Variants in NIBAN1 observed in about 807,000 individuals in gnomAD.
NIBAN1 encodes niban apoptosis regulator 1.
NIBAN1 carries 81 observed loss-of-function variants against 75.1 expected under a neutral mutation model. The observed-to-expected ratio is 1.08, with a 90% confidence interval of 0.90 to 1.30. The LOEUF (loss-of-function observed/expected upper bound fraction) is 1.30, where lower values mean the gene tolerates loss of function less well. Ranked by LOEUF, NIBAN1 falls within the 50% of genes most tolerant of loss-of-function variation. The pLI is 0.00. For missense variants in NIBAN1, 1,133 were observed against 1,128.1 expected (o/e 1.00, Z -0.06); for synonymous variants, 436 against 424.8 (o/e 1.03, Z -0.32).
intron 4 of NIBAN1, among the ~76,000 whole-genome samples, chr1:184,887,045 C>A (rs234665): frequency 6.6e-6 from 1 of 152,052 alleles, no homozygotes; most frequent in Non-Finnish European, 1.5e-5. Context: ...CACTTGAACC[C>A]GGGAGGCAGA....
Position 184,941,647 on chromosome 1 carries a change from T to C in NIBAN1, c.55+32655A>G, listed in dbSNP as rs536268946. Reference sequence around the variant, plus strand: ...CCTGGGCTTTAACAAAGCAAGACCCTGTCTCAAAAAAAAAAAAAAAAAAAC... The same window carrying C: ...CCTGGGCTTTAACAAAGCAAGACCCCGTCTCAAAAAAAAAAAAAAAAAAAC... On this transcript the variant is annotated intron_variant, in intron 1 of 13. Coordinates refer to ENST00000367511, the MANE Select transcript of NIBAN1 (RefSeq NM_052966.4). 1.0e-3 allele frequency among the ~76,000 whole-genome samples: 141 copies of C among 139,432 alleles called. 1 individual carries two copies. The highest frequency in any genetic ancestry group is 3.8e-3 in the African/African-American group (136 of 35,768). 91.5% of individuals were successfully genotyped at this position (139,432 alleles called of 152,430 possible). A position where few individuals can be genotyped will look rare whatever the true frequency, so the allele number is the denominator to read the frequency against.
intron 10 of NIBAN1, among the ~76,000 whole-genome samples, chr1:184,806,881 G>T (rs1436194412): frequency 6.7e-6 from 1 of 150,282 alleles, no homozygotes; most frequent in Non-Finnish European, 1.5e-5. Context: ...CGAGTCTCGT[G>T]CTTCAGCCTC....
chr1:184,883,801 T>C (rs900984560), intron 5 of NIBAN1, among the ~76,000 whole-genome samples: 6 of 152,186 alleles, frequency 3.9e-5, no homozygotes, highest in African/African-American at 1.4e-4. Context: ...GTGATTCTTA[T>C]GAGCCCTAAA....
chr1:184,912,847 C>T (rs1039803648), intron 1 of NIBAN1, among the ~76,000 whole-genome samples: 2 of 152,110 alleles, frequency 1.3e-5, no homozygotes, highest in East Asian at 1.9e-4. Context: ...TGGAAAGGTG[C>T]CCCTTCTTCA....
chr1:184,950,250 G>A (rs771590472), intron 1 of NIBAN1, among the ~76,000 whole-genome samples: 4 of 152,226 alleles, frequency 2.6e-5, no homozygotes, highest in East Asian at 3.9e-4. Flanking sequence ...CAAGGAATCT[G>A]AGCCTGTTAG....
At chr1:184,859,073 T>C (rs903885809) in intron 5 of NIBAN1, among the ~76,000 whole-genome samples, 1 of 151,908 alleles carries the variant, frequency 6.6e-6, no homozygotes, top group African/African-American at 2.4e-5. Context: ...AATTCCTCTA[T>C]GGAGGAATTA....
intron 10 of NIBAN1, among the ~76,000 whole-genome samples, chr1:184,807,784 C>T (rs1016715877): frequency 2.8e-4 from 43 of 152,172 alleles, no homozygotes; most frequent in African/African-American, 9.9e-4. Context: ...CAGTATTTCC[C>T]CCAGGTGATT....
chr1:184,795,129 T>C lies in NIBAN1; in HGVS notation c.2635A>G (p.Asn879Asp). Residue 879 changes from asparagine to aspartate, a missense_variant, in exon 14 of 14, where the codon AAT becomes GAT. By Grantham distance (23) the Asn-to-Asp change is conservative (BLOSUM62 1). Transcript: ENST00000367511. ...SSAAQATASV[N>D]AEEIKVARIH... is the part of the protein sequence containing the mutation. ...CGGGCTACCTTGATCTCCTCTGCAT[T>C]CACACTGGCCGTGGCCTGGGCCGCG... 6.2e-7 allele frequency: 1 copy of C among 1,614,168 alleles called. No individual in the cohort carries two copies. Among genetic ancestry groups the C allele is most frequent in the South Asian group, 1.1e-5 (1 of 91,088 alleles).
chr1:184,820,782 G>A (rs754147970), intron 8 of NIBAN1, among the ~76,000 whole-genome samples: 6 of 152,214 alleles, frequency 3.9e-5, no homozygotes, highest in South Asian at 2.1e-4. Flanking sequence ...GCAAGTTACC[G>A]AATTTCTGCC....
In NIBAN1 at chr1:184,795,409, C is replaced by G. The variant is rs763670581; in HGVS notation, c.2355G>C (p.Leu785Phe). 3 of 1,606,818 alleles carry G rather than the reference C, an allele frequency of 1.9e-6. No homozygotes were observed. The Admixed American group carries it at 5.1e-5, about 27-fold the overall frequency. The change falls in exon 14 of 14, where the codon TTG becomes TTC. Residue 785 changes from leucine to phenylalanine, a missense_variant. Physicochemically the swap from Leu to Phe is conservative, Grantham distance 22 (BLOSUM62 0). Coordinates refer to ENST00000367511, the MANE Select transcript of NIBAN1 (RefSeq NM_052966.4). ...GGCTGCCTACCTCTGGAAATCCCCC[C>G]AACTCCTCCCCATGGGCCTCGGGAC... ...PPCPEAHGEE[L>F]GGFPEVGSPA...
intron 5 of NIBAN1, among the ~76,000 whole-genome samples, chr1:184,873,555 A>G (rs1656163298): frequency 6.6e-6 from 1 of 152,232 alleles, no homozygotes; most frequent in Admixed American, 6.5e-5. Flanking sequence ...ATGAATCTGC[A>G]CAAATATACC....
chr1:184,888,301 G>C (rs1019627044), intron 4 of NIBAN1: 1 of 152,138 alleles, frequency 6.6e-6, no homozygotes, highest in African/African-American at 2.4e-5. Flanking sequence ...CTTTCTGGTA[G>C]AAATAATATC....
intron 1 of NIBAN1, among the ~76,000 whole-genome samples, chr1:184,968,595 G>A (rs234099): frequency 0.71 from 108,389 of 152,014 alleles, 39,732 homozygotes; most frequent in Non-Finnish European, 0.82. Flanking sequence ...TTAGAGCTGA[G>A]ACAAATACTA....
intron 1 of NIBAN1, among the ~76,000 whole-genome samples, chr1:184,958,468 A>G (rs1658547488): frequency 6.6e-6 from 1 of 152,060 alleles, no homozygotes; most frequent in African/African-American, 2.4e-5. Flanking sequence ...CACTTAGCTC[A>G]TTTAAGGTAG....
At chr1:184,820,057 G>A (rs962808710) in intron 8 of NIBAN1, among the ~76,000 whole-genome samples, 2 of 152,082 alleles carry the variant, frequency 1.3e-5, no homozygotes, top group Non-Finnish European at 2.9e-5. Flanking sequence ...TATTACACAA[G>A]TCATAGAATT....
intron 6 of NIBAN1, among the ~76,000 whole-genome samples, chr1:184,826,660 AGTGT>A (rs1654849356): frequency 6.6e-6 from 1 of 152,226 alleles, no homozygotes; most frequent in Admixed American, 6.5e-5. Flanking sequence ...TTTTAGCATA[AGTGT>A]GAAATGGGTT....
At chr1:184,933,580 G>A (rs1387131772) in intron 1 of NIBAN1, among the ~76,000 whole-genome samples, 1 of 152,084 alleles carries the variant, frequency 6.6e-6, no homozygotes, top group African/African-American at 2.4e-5. Flanking sequence ...TAGACCCCTG[G>A]GCATGTAAGA....
At chr1:184,816,448 G>A (rs1654537369) in intron 9 of NIBAN1, among the ~76,000 whole-genome samples, 1 of 152,096 alleles carries the variant, frequency 6.6e-6, no homozygotes, top group Non-Finnish European at 1.5e-5. Context: ...CCTAAGTTTT[G>A]GTCACACTCT....
chr1:184,970,169 C>CAAAA (rs540891439), intron 1 of NIBAN1, among the ~76,000 whole-genome samples: 1 of 71,516 alleles, frequency 1.4e-5, no homozygotes, highest in Non-Finnish European at 3.2e-5. Context: ...GACCCTGTCT[C>CAAAA]AAAAAAAAAA....
Sources: allele counts gnomAD v4.1 joint callset (sites outside exome capture counted in the v4.1 genomes callset), GRCh38; gene constraint gnomAD v4.1.1; transcripts MANE v1.5; gene names NCBI Gene and HGNC (gene_info 2026-07-23, HGNC 2026-07-21).